The following MYBPC3 variants were observed in gnomAD, a reference collection of about 807,000 sequenced individuals.
MYBPC3 encodes the protein myosin-binding protein C, cardiac-type.
In MYBPC3, 108 loss-of-function variants were observed where a neutral mutation model predicts 159.3. The ratio of observed to expected loss-of-function variants is 0.68; its 90% CI spans 0.58 to 0.80. MYBPC3 has a LOEUF of 0.80. MYBPC3 is among the 30% of genes least tolerant of loss of function. The pLI is 0.00. For synonymous variants in MYBPC3, 730 were observed against 702.0 expected, an observed-to-expected ratio of 1.04 and a Z score of -0.63; for missense variants, 1,631 against 1,762.1, an observed-to-expected ratio of 0.93 and a Z score of 1.33.
intron 13 of MYBPC3, 57 bp downstream of exon 13, chr11:47,343,435 C>T: frequency 1.3e-6 from 2 of 1,530,404 alleles, no homozygotes; most frequent in Non-Finnish European, 1.8e-6. Context: ...GGGCAGGAGG[C>T]AAGGCTATGG....
chr11:47,339,137 GCCAT>G (rs2095885655), intron 22 of MYBPC3, among the ~76,000 whole-genome samples, 183 bp downstream of exon 22: 1 of 152,168 alleles, frequency 6.6e-6, no homozygotes, highest in Non-Finnish European at 1.5e-5. Context: ...CCTTGTGATG[GCCAT>G]CAGCACACTT....
In MYBPC3 at chr11:47,346,992, C is replaced by T; in HGVS notation, c.908+35G>A. The stretch of plus-strand genomic sequence containing the variant: ...AATCCCCTCTGCACCCACCAGCGCC[C>T]TGCCGCCCCCAAACACCCAGACCCC... On this transcript the variant is annotated intron_variant, in intron 10 of 34. Transcript: ENST00000545968. This position sits in a 1 kb window ranked among gnomAD's most constrained non-coding sequence, Gnocchi z 5.3. The T allele has an allele frequency of 1.3e-6, 1 of 774,298 alleles. No individual in the cohort carries two copies. The highest frequency in any genetic ancestry group is 2.4e-6 in the Non-Finnish European group (1 of 425,362). 48.0% of individuals were successfully genotyped at this position (774,298 alleles called of 1,614,324 possible). A position where few individuals can be genotyped will look rare whatever the true frequency, so the allele number is the denominator to read the frequency against.
At position 47,331,840 on chromosome 11, in the gene MYBPC3, C is replaced by T. The variant is rs1448362793; in HGVS notation, c.*26+5G>A. On this transcript the variant is annotated splice_donor_5th_base_variant and intron_variant, in intron 34 of 34. Transcript: ENST00000545968. ...CTTGTGCCCTGGGTGTCGGGTGGTACATACCTGGCCATCCCCAGGAGCCAG... is the reference window on the plus strand; with the variant it reads ...CTTGTGCCCTGGGTGTCGGGTGGTATATACCTGGCCATCCCCAGGAGCCAG... 1.9e-6 allele frequency: 3 copies of T among 1,604,056 alleles called. No individual in the cohort carries two copies. The highest frequency in any genetic ancestry group is 4.5e-5 in the East Asian group (2 of 44,596).
At chr11:47,333,829 G>T in intron 28 of MYBPC3, 77 bp from the exon 29 acceptor site, 1 of 1,546,490 alleles carries the variant, frequency 6.5e-7, no homozygotes, top group South Asian at 1.2e-5. Flanking sequence ...TGGTACCTCA[G>T]ATCAGGCCAG....
rs1175711737 is a variant in MYBPC3 at position 47,337,782 on chromosome 11, G to A, written c.2321C>T (p.Ala774Val). ...GTTGCTGATCTTGGGGGCCGCAGGT[G>A]CGTCTGGCACGTCTGGATGGGGTGG... is the stretch of plus-strand genomic sequence containing the variant. ...LTVKVIDVPDAPAAPKISNVG... is the reference protein window; with the variant it reads ...LTVKVIDVPDVPAAPKISNVG... Residue 774 changes from alanine (A) to valine (V), a missense_variant, in exon 24 of 35, where the codon GCA becomes GTA. Physicochemically the swap from Ala to Val is moderately conservative, Grantham distance 64. Transcript: ENST00000545968. 6.4e-7 allele frequency: 1 copy of A among 1,551,768 alleles called. No homozygotes were observed. Among genetic ancestry groups the A allele is most frequent in the Non-Finnish European group, 8.7e-7 (1 of 1,147,566 alleles).
intron 5 of MYBPC3, 80 bp from the exon 6 acceptor site, chr11:47,348,621 A>T (rs368997900): frequency 3.4e-6 from 4 of 1,169,340 alleles, no homozygotes; most frequent in East Asian, 2.7e-5. Context: ...GGAGACTGGG[A>T]GTGGCCGGGC....
rs985299902 is a variant in MYBPC3 at position 47,351,309 on chromosome 11, G to A, written c.222C>T (p.Ala74=). 7.6e-6 allele frequency: 12 copies of A among 1,579,194 alleles called. No homozygotes were observed. Among genetic ancestry groups the A allele is most frequent in the Admixed American group, 5.4e-5 (3 of 55,136 alleles). Residue 74 remains alanine (A), a synonymous_variant, in exon 2 of 35, where the codon GCC becomes GCT. Transcript: ENST00000545968. The surrounding 1 kb of genome is among the most constrained non-coding windows in gnomAD (Gnocchi z 4.2). ...CAATGACTGCGTAAGATCCCTGGTC[G>A]GCAGGGCCCACTTCCCGCACTGTCA... The part of the protein sequence containing the change: ...HTLTVREVGP[A]DQGSYAVIAG...
Position 47,351,141 on chromosome 11 carries a change from G to C in MYBPC3, c.292+98C>G. ...GCACAGCCACAGCAAAGGCAAGAAA[G>C]TGTGAAAGCACCTCCTGTTCCCTGG... On this transcript the variant is annotated intron_variant, in intron 2 of 34. Transcript: ENST00000545968. This position sits in a 1 kb window ranked among gnomAD's most constrained non-coding sequence, Gnocchi z 4.2. 2 of 1,389,950 alleles carry C rather than the reference G, an allele frequency of 1.4e-6. No homozygotes were observed. The highest frequency in any genetic ancestry group is 2.6e-5 in the East Asian group (1 of 38,698). The allele number at this position is 1,389,950 out of a possible 1,614,324, so 86.1% of individuals were successfully genotyped here. A position where few individuals can be genotyped will look rare whatever the true frequency, so the allele number is the denominator to read the frequency against.
In MYBPC3 at chr11:47,332,508, T is replaced by C. The variant is rs2095878149; in HGVS notation, c.3627+58A>G. 4 of 1,572,720 alleles carry C rather than the reference T, an allele frequency of 2.5e-6. 1 individual carries two copies. In the South Asian group the frequency reaches 4.7e-5, roughly 18 times the overall value. On this transcript the variant is annotated intron_variant, in intron 32 of 34. Coordinates refer to ENST00000545968, the MANE Select transcript of MYBPC3 (RefSeq NM_000256.3). This position sits in a 1 kb window ranked among gnomAD's most constrained non-coding sequence, Gnocchi z 4.2. ...AGGCTGGGGAGAGGACTGCTCAACG[T>C]CGGGGCCTGTGAGCCCTGCCTCCTG...
chr11:47,341,955 C>A (rs371689476), intron 18 of MYBPC3, 36 bp downstream of exon 18: 22 of 1,551,152 alleles, frequency 1.4e-5, no homozygotes, highest in Non-Finnish European at 1.8e-5. Context: ...CCATCTCAGT[C>A]TCCACCTGTC....
rs564378953 is a variant in MYBPC3, at chr11:47,338,649, C to A, written c.2179G>T (p.Val727Leu). Residue 727 changes from valine to leucine, a missense_variant, in exon 23 of 35, where the codon GTG (valine) becomes TTG (leucine). By Grantham distance (32) the Val-to-Leu change is conservative. Transcript: ENST00000545968. The surrounding 1 kb of genome is among the most constrained non-coding windows in gnomAD (Gnocchi z 4.7). ...ATGCTGCGGTCCTTGGTGGTCTCCA[C>A]GCGGACCCGGCCCTCGGTCTCACAC... ...LLCETEGRVR[V>L]ETTKDRSIFT... The A allele has an allele frequency of 7.4e-6, 12 of 1,613,686 alleles. No individual in the cohort carries two copies. Among genetic ancestry groups the A allele is most frequent in the South Asian group, 1.1e-5 (1 of 91,016 alleles).
At chr11:47,345,650 A>G (rs913205345) in intron 12 of MYBPC3, among the ~76,000 whole-genome samples, 2 of 152,156 alleles carry the variant, frequency 1.3e-5, no homozygotes, top group African/African-American at 4.8e-5. Flanking sequence ...GAGAAGGGCT[A>G]TTCCTGGGCT....
intron 33 of MYBPC3, 86 bp downstream of exon 33, chr11:47,331,986 G>C: frequency 3.1e-6 from 5 of 1,592,696 alleles, no homozygotes; most frequent in Non-Finnish European, 4.3e-6. Flanking sequence ...GCAGGTGCTT[G>C]GCCGAGGACA....
intron 6 of MYBPC3, 21 bp from the exon 7 acceptor site, chr11:47,347,926 G>T (rs1280379428): frequency 1.3e-6 from 2 of 1,568,808 alleles, no homozygotes; most frequent in Non-Finnish European, 1.7e-6. Context: ...AGGGTGGAGA[G>T]ATGGGGGAAG....
chr11:47,342,260 G>T, intron 17 of MYBPC3, 104 bp from the exon 18 acceptor site: 1 of 1,370,518 alleles, frequency 7.3e-7, no homozygotes. Flanking sequence ...GCACGTGTCT[G>T]GGTGCATGTG....
At chr11:47,342,522 TG>T in intron 17 of MYBPC3, 55 bp downstream of exon 17, 4 of 1,469,808 alleles carry the variant, frequency 2.7e-6, no homozygotes, top group East Asian at 2.4e-5. Flanking sequence ...CTAGGTGGGG[TG>T]GGGGCTGAGG....
intron 30 of MYBPC3, 29 bp from the exon 31 acceptor site, chr11:47,333,002 T>C: frequency 6.3e-7 from 1 of 1,597,356 alleles, no homozygotes; most frequent in Non-Finnish European, 8.5e-7. Flanking sequence ...GGGAGGCATC[T>C]CTGGGCCAGG....
chr11:47,340,615 C>A (rs759645617), intron 20 of MYBPC3, among the ~76,000 whole-genome samples: 1 of 151,938 alleles, frequency 6.6e-6, no homozygotes, highest in African/African-American at 2.4e-5. Context: ...TGCAGTGAGC[C>A]GAGATCGCGC....
chr11:47,335,164 G>A lies in MYBPC3; in HGVS notation c.2783C>T (p.Ser928Leu), dbSNP rs773819168. 89 of 1,612,436 alleles carry A rather than the reference G, an allele frequency of 5.5e-5. No individual in the cohort carries two copies. The highest frequency in any genetic ancestry group is 7.3e-5 in the Non-Finnish European group (86 of 1,179,234). The change falls in exon 27 of 35, where the codon TCG (serine) becomes TTG (leucine). Residue 928 changes from serine (S) to leucine (L), a missense_variant. Transcript: ENST00000545968. ...AALQGLTEHT[S>L]ILVKDLPTGA... ...CGTGGGCAGGTCCTTCACCAGTATC[G>A]ATGTGTGCTCTGTCAGCCCCTGCAG... is the stretch of plus-strand genomic sequence containing the variant.
Sources: allele counts gnomAD v4.1 joint callset (sites outside exome capture counted in the v4.1 genomes callset), GRCh38; gene constraint gnomAD v4.1.1; non-coding constraint Gnocchi (gnomAD v3.1); transcripts MANE v1.5; gene names NCBI Gene and HGNC (gene_info 2026-07-23, HGNC 2026-07-21).